WDR72: variants seen among roughly 807,000 people sequenced by gnomAD.
The protein encoded by WDR72 is WD repeat domain 72, also known as WD repeat-containing protein 72.
Under a neutral mutation model 124.2 loss-of-function variants are expected in WDR72, and 120 were observed. That is an observed-to-expected ratio of 0.97 (90% CI 0.83 to 1.12). The LOEUF (loss-of-function observed/expected upper bound fraction) is 1.12. Ranked by LOEUF, WDR72 falls within the 50% of genes most tolerant of loss-of-function variation. WDR72 has a pLI of 0.00. For synonymous variants in WDR72, 452 were observed against 441.7 expected (o/e 1.02, Z -0.29); for missense variants, 1,387 against 1,278.8 (o/e 1.08, Z -1.29).
At chr15:53,642,974 T>C (rs2014908475) in intron 14 of WDR72, among the ~76,000 whole-genome samples, 1 of 152,088 alleles carries the variant, frequency 6.6e-6, no homozygotes, top group African/African-American at 2.4e-5. Flanking sequence ...GAGAGTCCTA[T>C]ATTGGTTTAC....
chr15:53,560,482 G>A (rs1428209548), intron 18 of WDR72, among the ~76,000 whole-genome samples: 12 of 151,774 alleles, frequency 7.9e-5, no homozygotes, highest in Admixed American at 6.6e-4. Flanking sequence ...AGATCCCATG[G>A]CGACCCACCC....
chr15:53,543,140 G>A (rs1368638123), intron 18 of WDR72, among the ~76,000 whole-genome samples: 27 of 139,904 alleles, frequency 1.9e-4, no homozygotes, highest in Middle Eastern at 3.5e-3. Context: ...TGCACCAAGC[G>A]GACCTAATAG....
chr15:53,514,700 CTG>C lies in WDR72; in HGVS notation c.*2997_*2998del, dbSNP rs1891337679. On this transcript the variant is annotated 3_prime_UTR_variant, in exon 20 of 20. Coordinates refer to ENST00000360509, the MANE Select transcript of WDR72 (RefSeq NM_182758.4). ...TTTGATACCTGGGGCTACTTTTTAACTGTGTGTTTCTAACATTATACATTTTT... is the reference window on the plus strand; with the variant it reads ...TTTGATACCTGGGGCTACTTTTTAACTGTGTTTCTAACATTATACATTTTT... The C allele has an allele frequency of 6.6e-6, 1 of 152,002 alleles. No individual in the cohort carries two copies. 9.4% of individuals were successfully genotyped at this position (152,002 alleles called of 1,614,324 possible).
At chr15:53,618,524 C>T (rs2013858585) in intron 14 of WDR72, among the ~76,000 whole-genome samples, 3 of 151,894 alleles carry the variant, frequency 2.0e-5, no homozygotes. Context: ...GTTATCCTCT[C>T]AATGGAATAA....
intron 2 of WDR72, among the ~76,000 whole-genome samples, chr15:53,727,446 T>C (rs2018074950): frequency 6.6e-6 from 1 of 152,164 alleles, no homozygotes; most frequent in African/African-American, 2.4e-5. Context: ...TCAGAAATAT[T>C]TCCTTCTTAA....
chr15:53,713,438 A>G (rs982654387), intron 6 of WDR72, among the ~76,000 whole-genome samples: 5 of 148,626 alleles, frequency 3.4e-5, no homozygotes, highest in South Asian at 2.1e-4. Context: ...ATTTTATTTT[A>G]TTTTATTTTA....
At chr15:53,660,215 G>T (rs2015563064) in intron 14 of WDR72, among the ~76,000 whole-genome samples, 1 of 147,876 alleles carries the variant, frequency 6.8e-6, no homozygotes, top group South Asian at 2.1e-4. Flanking sequence ...ATAAATATTT[G>T]TTCTTTTTTT....
Position 53,710,862 on chromosome 15 carries a change from T to A in WDR72, c.949A>T (p.Asn317Tyr), listed in dbSNP as rs770820617. 7 of 1,612,232 alleles carry A rather than the reference T, an allele frequency of 4.3e-6. No individual in the cohort carries two copies. Among genetic ancestry groups the A allele is most frequent in the Non-Finnish European group, 5.1e-6 (6 of 1,178,352 alleles). Residue 317 changes from asparagine to tyrosine, a missense_variant, in exon 9 of 20, where the codon AAT becomes TAT. By Grantham distance (143) the Asn-to-Tyr change is moderately radical. Coordinates refer to ENST00000360509, the MANE Select transcript of WDR72 (RefSeq NM_182758.4). ...TCACTCTTTTCTTGCATTACCTTATTTTCCTGCACAGAAGTAGAGCACAGT... is the reference window on the plus strand; with the variant it reads ...TCACTCTTTTCTTGCATTACCTTATATTCCTGCACAGAAGTAGAGCACAGT... ...HLLCSTSVQE[N>Y]KEQSRPFVMG... is the part of the protein sequence containing the mutation.
intron 1 of WDR72, among the ~76,000 whole-genome samples, chr15:53,750,628 T>C (rs994249447): frequency 2.0e-5 from 3 of 152,164 alleles, no homozygotes; most frequent in African/African-American, 7.2e-5. Flanking sequence ...CTGGACAAAG[T>C]CAATTGAAAA....
intron 18 of WDR72, among the ~76,000 whole-genome samples, chr15:53,534,496 T>C (rs1202588822): frequency 6.6e-6 from 1 of 152,180 alleles, no homozygotes; most frequent in Admixed American, 6.5e-5. Flanking sequence ...CTAGGGATTT[T>C]ATTTCTTTGA....
At chr15:53,659,733 A>G (rs2015547688) in intron 14 of WDR72, among the ~76,000 whole-genome samples, 1 of 152,048 alleles carries the variant, frequency 6.6e-6, no homozygotes, top group Admixed American at 6.5e-5. Context: ...TATTACAGAA[A>G]TTTTTATTTA....
intron 18 of WDR72, among the ~76,000 whole-genome samples, chr15:53,558,629 T>C (rs1044270640): frequency 3.3e-5 from 5 of 152,036 alleles, no homozygotes; most frequent in African/African-American, 1.2e-4. Context: ...GGATGCTGAA[T>C]TGATTTCTTA....
intron 18 of WDR72, among the ~76,000 whole-genome samples, chr15:53,527,413 A>G (rs1892183602): frequency 6.6e-6 from 1 of 151,700 alleles, no homozygotes; most frequent in Admixed American, 6.6e-5. Flanking sequence ...CCCCAGCAAG[A>G]GAGTGGCCAC....
chr15:53,746,283 G>A lies in WDR72; in HGVS notation c.-12-13122C>T, dbSNP rs16973516. Among the ~76,000 whole-genome samples, 1,195 of 152,242 alleles carry A rather than the reference G, an allele frequency of 7.8e-3. 14 individuals are homozygous for A. Among genetic ancestry groups the A allele is most frequent in the African/African-American group, 0.027 (1,123 of 41,506 alleles). ...ATGCAAATGTGGTTTTGTGGGTGGT[G>A]TCTACTGGACACTGGAATTGTTTAC... is the stretch of plus-strand genomic sequence containing the variant. On this transcript the variant is annotated intron_variant, in intron 1 of 19. Coordinates refer to ENST00000360509, the MANE Select transcript of WDR72 (RefSeq NM_182758.4).
intron 2 of WDR72, among the ~76,000 whole-genome samples, chr15:53,731,837 C>A (rs758254583): frequency 4.6e-5 from 7 of 152,090 alleles, no homozygotes; most frequent in Non-Finnish European, 8.8e-5. Context: ...ATGCACTCAA[C>A]AAATGTATGC....
chr15:53,548,085 T>C (rs1893563699), intron 18 of WDR72, among the ~76,000 whole-genome samples: 1 of 152,254 alleles, frequency 6.6e-6, no homozygotes, highest in African/African-American at 2.4e-5. Flanking sequence ...GGCCACCTTA[T>C]CTGGTGAAAA....
intron 2 of WDR72, among the ~76,000 whole-genome samples, chr15:53,727,054 G>A (rs935227476): frequency 6.6e-6 from 1 of 151,262 alleles, no homozygotes; most frequent in African/African-American, 2.4e-5. Context: ...GCTCATGCCT[G>A]TAATCCCAGC....
intron 18 of WDR72, among the ~76,000 whole-genome samples, chr15:53,545,571 C>T (rs926901149): frequency 1.3e-5 from 2 of 151,876 alleles, no homozygotes; most frequent in African/African-American, 4.8e-5. Context: ...TAGAAGCAAA[C>T]CTAGGCATTA....
At chr15:53,576,796 G>A (rs2011636717) in intron 18 of WDR72, among the ~76,000 whole-genome samples, 1 of 152,108 alleles carries the variant, frequency 6.6e-6, no homozygotes, top group African/African-American at 2.4e-5. Context: ...ATCAGCTCCA[G>A]CCTACTGTTG....
Sources: allele counts gnomAD v4.1 joint callset (sites outside exome capture counted in the v4.1 genomes callset), GRCh38; gene constraint gnomAD v4.1.1; transcripts MANE v1.5; gene names NCBI Gene and HGNC (gene_info 2026-07-23, HGNC 2026-07-21).